Variants in HS3ST4 observed in about 807,000 individuals in gnomAD.
HS3ST4 encodes heparan sulfate-glucosamine 3-sulfotransferase 4.
HS3ST4 carries 17 observed loss-of-function variants against 29.2 expected under a neutral mutation model. That is an observed-to-expected ratio of 0.58 (90% CI 0.40 to 0.87). HS3ST4 has a LOEUF of 0.87. HS3ST4 is among the 40% of genes least tolerant of loss of function. HS3ST4 has a pLI of 0.00. For synonymous variants in HS3ST4, 314 were observed against 285.7 expected, an observed-to-expected ratio of 1.10 and a Z score of -1.00; for missense variants, 627 against 634.5, an observed-to-expected ratio of 0.99 and a Z score of 0.13.
At chr16:26,117,654 G>T (rs1899217807) in intron 1 of HS3ST4, among the ~76,000 whole-genome samples, 2 of 152,320 alleles carry the variant, frequency 1.3e-5, no homozygotes, top group Admixed American at 6.5e-5. Context: ...CTTAATATCT[G>T]GTAGCAATGA....
At chr16:25,988,583 TA>T (rs1468354588) in intron 1 of HS3ST4, among the ~76,000 whole-genome samples, 1 of 152,222 alleles carries the variant, frequency 6.6e-6, no homozygotes, top group African/African-American at 2.4e-5. Flanking sequence ...GATAGTTTTT[TA>T]TTTTGTTTTT....
chr16:25,819,418 A>G (rs983078117), intron 1 of HS3ST4, among the ~76,000 whole-genome samples: 4 of 152,176 alleles, frequency 2.6e-5, no homozygotes, highest in African/African-American at 9.7e-5. Flanking sequence ...GCAGCTTTCC[A>G]TAGATGAAAT....
chr16:25,911,042 C>T (rs1567270569), intron 1 of HS3ST4, among the ~76,000 whole-genome samples: 1 of 152,116 alleles, frequency 6.6e-6, no homozygotes, highest in South Asian at 2.1e-4. Context: ...GACTCTTTGG[C>T]AATGGAGCTG....
At chr16:26,116,209 G>T (rs1055983362) in intron 1 of HS3ST4, among the ~76,000 whole-genome samples, 1 of 152,158 alleles carries the variant, frequency 6.6e-6, no homozygotes, top group Non-Finnish European at 1.5e-5. Flanking sequence ...AGAGACATCT[G>T]CCCTCAGTTC....
chr16:26,032,924 G>A lies in HS3ST4; in HGVS notation c.735-102688G>A, dbSNP rs535253830. On this transcript the variant is annotated intron_variant, in intron 1 of 1. Transcript: ENST00000331351. ...GCCTCTTCTTCACACTGCTCCGGAG[G>A]CGTGTTTTAAGACTGATTTAGATTC... The A allele has an allele frequency of 9.5e-5, 80 of 838,702 alleles. No individual in the cohort carries two copies. The East Asian group carries it at 2.0e-3, about 21-fold the overall frequency. 52.0% of individuals were successfully genotyped at this position (838,702 alleles called of 1,614,324 possible). A position where few individuals can be genotyped will look rare whatever the true frequency, so the allele number is the denominator to read the frequency against.
intron 1 of HS3ST4, among the ~76,000 whole-genome samples, chr16:25,988,015 C>T (rs1567288311): frequency 2.0e-5 from 3 of 152,218 alleles, no homozygotes; most frequent in South Asian, 4.2e-4. Flanking sequence ...GTGATCCACC[C>T]GCCTCAGCCT....
At chr16:26,111,252 A>T (rs1016316722) in intron 1 of HS3ST4, among the ~76,000 whole-genome samples, 9 of 151,798 alleles carry the variant, frequency 5.9e-5, no homozygotes, top group African/African-American at 2.2e-4. Flanking sequence ...CTAATTAAAA[A>T]AAAATGTTTG....
At chr16:25,807,545 G>A (rs955630760) in intron 1 of HS3ST4, among the ~76,000 whole-genome samples, 1 of 152,094 alleles carries the variant, frequency 6.6e-6, no homozygotes, top group African/African-American at 2.4e-5. Context: ...AGCCCAATTT[G>A]TTTAAACATT....
At chr16:25,823,563 T>C (rs1323517778) in intron 1 of HS3ST4, among the ~76,000 whole-genome samples, 1 of 152,178 alleles carries the variant, frequency 6.6e-6, no homozygotes, top group East Asian at 1.9e-4. Flanking sequence ...TAATTTAATT[T>C]AATTTTTTAT....
chr16:25,836,652 TG>T (rs1176912411), intron 1 of HS3ST4, among the ~76,000 whole-genome samples: 1 of 152,194 alleles, frequency 6.6e-6, no homozygotes, highest in East Asian at 1.9e-4. Flanking sequence ...GCTGCTTAAG[TG>T]ACAGTTGAAA....
chr16:25,873,480 CTCTATCTATCTA>C (rs1157206082), intron 1 of HS3ST4, among the ~76,000 whole-genome samples: 1 of 69,872 alleles, frequency 1.4e-5, no homozygotes, highest in Non-Finnish European at 3.4e-5. Flanking sequence ...CCATCTATCT[CTCTATCTATCTA>C]TCTATCTATC....
chr16:26,023,163 C>T (rs1036235205), intron 1 of HS3ST4, among the ~76,000 whole-genome samples: 1 of 152,162 alleles, frequency 6.6e-6, no homozygotes. Flanking sequence ...TTTAAAGCAT[C>T]GTAATGATTT....
At chr16:26,120,071 A>C (rs56152815) in intron 1 of HS3ST4, among the ~76,000 whole-genome samples, 2 of 135,176 alleles carry the variant, frequency 1.5e-5, no homozygotes, top group Non-Finnish European at 3.3e-5. Flanking sequence ...GTGTGTGTGT[A>C]TGTGTGTGTG....
In HS3ST4 at chr16:26,049,470, C is replaced by CTGTGTGTGTG. The variant is rs113562359; in HGVS notation, c.735-86126_735-86117dup. Among the ~76,000 whole-genome samples, 784 of 145,074 alleles carry CTGTGTGTGTG rather than the reference C, an allele frequency of 5.4e-3. 13 individuals carry two copies. The highest frequency in any genetic ancestry group is 0.017 in the African/African-American group (648 of 39,064). ...TAGTTGCAGTGGGGAATGCGTGCCT[C>CTGTGTGTGTG]TGTGTGTGTGTGTGTGTGTGTGTGT... is the stretch of plus-strand genomic sequence containing the variant. On this transcript the variant is annotated intron_variant, in intron 1 of 1. Coordinates refer to ENST00000331351, the MANE Select transcript of HS3ST4 (RefSeq NM_006040.3).
At chr16:25,865,051 A>C (rs573173529) in intron 1 of HS3ST4, among the ~76,000 whole-genome samples, 2 of 152,138 alleles carry the variant, frequency 1.3e-5, no homozygotes, top group Non-Finnish European at 2.9e-5. Flanking sequence ...TTCTTCCATC[A>C]GTGGACACTT....
intron 1 of HS3ST4, among the ~76,000 whole-genome samples, chr16:25,810,165 C>G (rs1967028679): frequency 6.6e-6 from 1 of 151,982 alleles, no homozygotes; most frequent in Non-Finnish European, 1.5e-5. Context: ...TTACGGTGTA[C>G]TTTCAATTTT....
At chr16:25,773,306 C>T (rs1002543056) in intron 1 of HS3ST4, among the ~76,000 whole-genome samples, 5 of 152,210 alleles carry the variant, frequency 3.3e-5, no homozygotes, top group East Asian at 1.9e-4. Flanking sequence ...TGGTGGCCTT[C>T]GATATTTTAT....
At chr16:25,917,019 A>G (rs969472115) in intron 1 of HS3ST4, among the ~76,000 whole-genome samples, 9 of 151,782 alleles carry the variant, frequency 5.9e-5, no homozygotes, top group African/African-American at 2.2e-4. Flanking sequence ...ATCTCCCACC[A>G]CTTGTCAATT....
chr16:25,728,993 G>C (rs1966554443), intron 1 of HS3ST4, among the ~76,000 whole-genome samples: 1 of 152,110 alleles, frequency 6.6e-6, no homozygotes, highest in African/African-American at 2.4e-5. Flanking sequence ...TGAGGTGGGA[G>C]GATCTCTTGA....
Sources: allele counts gnomAD v4.1 joint callset (sites outside exome capture counted in the v4.1 genomes callset), GRCh38; gene constraint gnomAD v4.1.1; transcripts MANE v1.5; gene names NCBI Gene and HGNC (gene_info 2026-07-23, HGNC 2026-07-21).